CYTH1: variants seen among roughly 807,000 people sequenced by gnomAD.
CYTH1 encodes cytohesin-1.
A neutral mutation model predicts 61.8 loss-of-function variants in CYTH1; 18 were observed. The observed-to-expected ratio is 0.29, with a 90% CI of 0.20 to 0.43. The LOEUF is 0.43. Among genes scored for constraint, CYTH1 ranks in the 20% least tolerant of loss-of-function variants. The pLI is 1.00. For synonymous variants in CYTH1, 174 were observed against 184.3 expected (o/e 0.94, Z 0.45); for missense variants, 336 against 510.5 (o/e 0.66, Z 3.29).
At chr17:78,728,609 T>C (rs1015780223) in intron 1 of CYTH1, among the ~76,000 whole-genome samples, 1 of 151,786 alleles carries the variant, frequency 6.6e-6, no homozygotes, top group African/African-American at 2.4e-5. Context: ...ATAAAAAGGA[T>C]ATTAAACTTC....
chr17:78,695,354 T>C (rs1435146726), intron 10 of CYTH1, among the ~76,000 whole-genome samples: 1 of 152,184 alleles, frequency 6.6e-6, no homozygotes, highest in African/African-American at 2.4e-5. Context: ...CACGAGGACT[T>C]CAGGGAGGGT....
intron 1 of CYTH1, among the ~76,000 whole-genome samples, chr17:78,712,996 A>C (rs1366649438): frequency 6.6e-6 from 1 of 152,034 alleles, no homozygotes. Context: ...GCAATCCATC[A>C]GCATTATGTG....
chr17:78,682,557 C>T (rs2092774567), intron 11 of CYTH1, among the ~76,000 whole-genome samples: 1 of 152,010 alleles, frequency 6.6e-6, no homozygotes, highest in Non-Finnish European at 1.5e-5. Flanking sequence ...CTTTGTCCTC[C>T]ACCAGCATCC....
chr17:78,771,890 C>G (rs539239983), intron 1 of CYTH1, among the ~76,000 whole-genome samples: 1 of 152,112 alleles, frequency 6.6e-6, no homozygotes, highest in Non-Finnish European at 1.5e-5. Flanking sequence ...GTCACGCTAT[C>G]CTGGATAATG....
At chr17:78,751,775 C>T (rs1257939335) in intron 1 of CYTH1, among the ~76,000 whole-genome samples, 1 of 152,212 alleles carries the variant, frequency 6.6e-6, no homozygotes, top group Non-Finnish European at 1.5e-5. Flanking sequence ...TATCTCTCTG[C>T]TATTGGTTAT....
chr17:78,692,282 G>T (rs2092895254), intron 11 of CYTH1, 135 bp downstream of exon 11: 2 of 902,540 alleles, frequency 2.2e-6, no homozygotes, highest in Non-Finnish European at 3.6e-6. Context: ...CTTGCACTTT[G>T]CTTAAACTCT....
chr17:78,752,884 C>CTAT (rs1159261405), intron 1 of CYTH1, among the ~76,000 whole-genome samples: 3 of 152,158 alleles, frequency 2.0e-5, no homozygotes, highest in South Asian at 4.1e-4. Flanking sequence ...ATAGGTAGTA[C>CTAT]TATAACGCAT....
chr17:78,770,586 T>C (rs2093467521), intron 1 of CYTH1, among the ~76,000 whole-genome samples: 1 of 151,992 alleles, frequency 6.6e-6, no homozygotes, highest in South Asian at 2.1e-4. Flanking sequence ...GCCTGGCTAA[T>C]TTTTATATTT....
chr17:78,708,065 G>T, intron 3 of CYTH1, 132 bp downstream of exon 3: 2 of 835,386 alleles, frequency 2.4e-6, no homozygotes, highest in Non-Finnish European at 2.0e-6. Flanking sequence ...TTATGGGTGT[G>T]TATGTGCTTG....
In CYTH1 at chr17:78,680,358, CAG is replaced by C. The variant is rs2092747063; in HGVS notation, c.964-16_964-15del. The C allele has an allele frequency of 1.2e-6, 2 of 1,606,978 alleles. No individual in the cohort carries two copies. The highest frequency in any genetic ancestry group is 1.3e-5 in the African/African-American group (1 of 74,736). Reference sequence around the variant, plus strand: ...CTCAAAGCAGTTCTGAGAATCAAAACAGAGAGGGAGAGAGTGGAGCAAAGGAA... The same window carrying C: ...CTCAAAGCAGTTCTGAGAATCAAAACAGAGGGAGAGAGTGGAGCAAAGGAA... On this transcript the variant is annotated splice_polypyrimidine_tract_variant and intron_variant, in intron 12 of 13. Transcript: ENST00000446868.
intron 1 of CYTH1, among the ~76,000 whole-genome samples, chr17:78,714,019 G>C (rs1283477468): frequency 6.6e-6 from 1 of 152,192 alleles, no homozygotes; most frequent in Non-Finnish European, 1.5e-5. Flanking sequence ...GCCAGGCGCG[G>C]TGGTCCACGC....
rs56020680 is a variant in CYTH1, at chr17:78,733,076, CAAAAAAAAAAAAAAA to C, written c.23-23359_23-23345del. Among the ~76,000 whole-genome samples, 90 of 47,734 alleles carry C rather than the reference CAAAAAAAAAAAAAAA, an allele frequency of 1.9e-3. No individual in the cohort carries two copies. The South Asian group carries it at 0.07, about 37-fold the overall frequency. 31.3% of individuals were successfully genotyped at this position (47,734 alleles called of 152,430 possible). On this transcript the variant is annotated intron_variant, in intron 1 of 13. Transcript: ENST00000446868. Reference sequence around the variant, plus strand: ...CTGGCAACAGAGTGAGACTCCATCTCAAAAAAAAAAAAAAAAAAAAAAAAAAAAAAGGATAACATG... The same window carrying C: ...CTGGCAACAGAGTGAGACTCCATCTCAAAAAAAAAAAAAAAGGATAACATG...
At chr17:78,707,203 C>G (rs1010769126) in intron 3 of CYTH1, among the ~76,000 whole-genome samples, 2 of 152,130 alleles carry the variant, frequency 1.3e-5, no homozygotes, top group Admixed American at 6.5e-5. Context: ...GAAGGCACTG[C>G]CCACAGGAGT....
intron 1 of CYTH1, among the ~76,000 whole-genome samples, chr17:78,739,260 T>C (rs571902963): frequency 2.6e-5 from 4 of 152,258 alleles, no homozygotes; most frequent in Non-Finnish European, 5.9e-5. Flanking sequence ...TTTTGTCTTA[T>C]CTGTTTCGTT....
chr17:78,724,935 G>A (rs2093257579), intron 1 of CYTH1, among the ~76,000 whole-genome samples: 1 of 152,214 alleles, frequency 6.6e-6, no homozygotes, highest in Non-Finnish European at 1.5e-5. Context: ...TTAGTGTCAA[G>A]AGAGTAGTAC....
At chr17:78,695,519 T>C (rs2092929765) in intron 10 of CYTH1, among the ~76,000 whole-genome samples, 1 of 152,234 alleles carries the variant, frequency 6.6e-6, no homozygotes, top group Non-Finnish European at 1.5e-5. Flanking sequence ...AATCAGAAGC[T>C]TTCCATAGCT....
intron 11 of CYTH1, among the ~76,000 whole-genome samples, chr17:78,683,419 T>C (rs1481314827): frequency 1.3e-5 from 2 of 152,194 alleles, no homozygotes; most frequent in African/African-American, 2.4e-5. Context: ...GCCTGTGCAC[T>C]GTGACCATCT....
intron 1 of CYTH1, among the ~76,000 whole-genome samples, chr17:78,777,395 G>A (rs2093496902): frequency 1.3e-5 from 2 of 152,076 alleles, no homozygotes; most frequent in Admixed American, 1.3e-4. Flanking sequence ...TCTAGCCTGG[G>A]CAACAGAGCA....
chr17:78,681,795 G>A (rs1366071122), intron 11 of CYTH1, among the ~76,000 whole-genome samples: 2 of 146,870 alleles, frequency 1.4e-5, no homozygotes, highest in Admixed American at 6.9e-5. Flanking sequence ...CCCAGATAGC[G>A]CCACTGCACT....
Sources: gnomAD v4.1 joint callset for allele counts (sites outside exome capture counted in the v4.1 genomes callset) on GRCh38, gnomAD v4.1.1 for gene constraint, MANE v1.5 for transcripts, NCBI Gene and HGNC (gene_info 2026-07-23, HGNC 2026-07-21) for gene names.